The following E2F3 variants were observed in gnomAD, a reference collection of about 807,000 sequenced individuals.
E2F3 encodes the protein transcription factor E2F3.
E2F3 carries 11 observed loss-of-function variants against 44.4 expected under a neutral mutation model. The ratio of observed to expected loss-of-function variants is 0.25; its 90% CI spans 0.16 to 0.41. E2F3 has a LOEUF of 0.41. E2F3 is among the 10% of genes least tolerant of loss of function. The pLI, the probability that E2F3 is intolerant of heterozygous loss-of-function variation, is 1.00. For missense variants in E2F3, 487 were observed against 583.6 expected (o/e 0.83, Z 1.70); for synonymous variants, 249 against 253.0 (o/e 0.98, Z 0.15).
intron 1 of E2F3, among the ~76,000 whole-genome samples, chr6:20,417,076 C>G (rs1265423437): frequency 6.6e-6 from 1 of 152,166 alleles, no homozygotes; most frequent in Non-Finnish European, 1.5e-5. Context: ...TCTTTTAATT[C>G]CTTCAGTTTT....
intron 1 of E2F3, among the ~76,000 whole-genome samples, chr6:20,457,009 CAGG>C (rs935532985): frequency 3.3e-5 from 5 of 152,084 alleles, no homozygotes; most frequent in Non-Finnish European, 7.4e-5. Flanking sequence ...TTCGAACCAG[CAGG>C]AGGAGAGTCA....
intron 1 of E2F3, chr6:20,403,914 C>T (rs1290176726): frequency 3.4e-6 from 3 of 870,734 alleles, no homozygotes; most frequent in Non-Finnish European, 5.0e-6. Context: ...TGAGGGTAGG[C>T]GGTTGAGCGG....
At chr6:20,450,467 G>A (rs1761092793) in intron 1 of E2F3, among the ~76,000 whole-genome samples, 1 of 151,966 alleles carries the variant, frequency 6.6e-6, no homozygotes, top group Non-Finnish European at 1.5e-5. Flanking sequence ...CGTTTTAATG[G>A]GGCTGTTTGT....
At chr6:20,417,991 G>A (rs1759903874) in intron 1 of E2F3, among the ~76,000 whole-genome samples, 2 of 152,188 alleles carry the variant, frequency 1.3e-5, no homozygotes, top group South Asian at 4.1e-4. Context: ...GAGGCTGGGG[G>A]AGGAAGGCAA....
At chr6:20,470,096 T>C (rs983695761) in intron 1 of E2F3, among the ~76,000 whole-genome samples, 8 of 152,198 alleles carry the variant, frequency 5.3e-5, no homozygotes, top group African/African-American at 9.7e-5. Flanking sequence ...CTGTTCTTAT[T>C]TGGACAGCCC....
chr6:20,472,204 T>C (rs1028247057), intron 1 of E2F3, among the ~76,000 whole-genome samples: 2 of 152,120 alleles, frequency 1.3e-5, no homozygotes, highest in Non-Finnish European at 2.9e-5. Flanking sequence ...TATGCAAGGC[T>C]CTGGGGAAAC....
chr6:20,455,005 G>A (rs1761262645), intron 1 of E2F3, among the ~76,000 whole-genome samples: 2 of 152,134 alleles, frequency 1.3e-5, no homozygotes, highest in South Asian at 2.1e-4. Flanking sequence ...TTACCCAGCC[G>A]ATGACAATGT....
In E2F3 at chr6:20,402,099, G is replaced by A. The variant is rs1399595619; in HGVS notation, c.-134G>A. The A allele has an allele frequency of 7.2e-7, 1 of 1,385,246 alleles. No individual in the cohort carries two copies. The highest frequency in any genetic ancestry group is 9.4e-7 in the Non-Finnish European group (1 of 1,066,714). The allele number at this position is 1,385,246 out of a possible 1,614,324, so 85.8% of individuals were successfully genotyped here. ...GGTGCGGAAAAATAAAAAGAAAAGA[G>A]AGAGAGGGGGCTCGGAAGCGCCGGG... On this transcript the variant is annotated 5_prime_UTR_variant, in exon 1 of 7. Transcript: ENST00000346618. This position sits in a 1 kb window ranked among gnomAD's most constrained non-coding sequence, Gnocchi z 5.6.
intron 1 of E2F3, among the ~76,000 whole-genome samples, chr6:20,458,699 T>C (rs1382544643): frequency 6.6e-6 from 1 of 152,214 alleles, no homozygotes; most frequent in Non-Finnish European, 1.5e-5. Flanking sequence ...AAAACTCTGG[T>C]GTGACAAAGG....
chr6:20,409,435 T>C (rs2127584726), intron 1 of E2F3, among the ~76,000 whole-genome samples: 1 of 152,366 alleles, frequency 6.6e-6, no homozygotes, highest in South Asian at 2.1e-4. Context: ...GCTCAAAAAG[T>C]GACACATGCT....
intron 4 of E2F3, among the ~76,000 whole-genome samples, chr6:20,485,029 T>A (rs1384639949): frequency 6.6e-6 from 1 of 152,122 alleles, no homozygotes; most frequent in Non-Finnish European, 1.5e-5. Context: ...CCCTTTTTTT[T>A]ATATTAAACA....
At position 20,490,461 on chromosome 6, in the gene E2F3, C is replaced by T. The variant is rs759892274; in HGVS notation, c.*31C>T. On this transcript the variant is annotated 3_prime_UTR_variant, in exon 7 of 7. Transcript: ENST00000346618. This position sits in a 1 kb window ranked among gnomAD's most constrained non-coding sequence, Gnocchi z 4.3. ...CTTCGTGTGAACTCTCCTTAAAAAC[C>T]GATATTTTTTTATCATGGAACCAGA... The T allele has an allele frequency of 9.2e-6, 14 of 1,517,332 alleles. No individual in the cohort carries two copies. The highest frequency in any genetic ancestry group is 2.3e-5 in the East Asian group (1 of 43,514). 94.0% of individuals were successfully genotyped at this position (1,517,332 alleles called of 1,614,324 possible).
intron 4 of E2F3, among the ~76,000 whole-genome samples, chr6:20,485,453 G>A (rs1393701876): frequency 2.0e-5 from 3 of 152,112 alleles, no homozygotes; most frequent in East Asian, 1.9e-4. Flanking sequence ...GGTGGTGCAC[G>A]CCTGTAGTCC....
At chr6:20,435,025 T>G (rs187118833) in intron 1 of E2F3, among the ~76,000 whole-genome samples, 29 of 152,354 alleles carry the variant, frequency 1.9e-4, no homozygotes, top group Admixed American at 1.6e-3. Context: ...AGCACCCATC[T>G]GTAAATGGGT....
At chr6:20,463,569 A>C (rs979891899) in intron 1 of E2F3, among the ~76,000 whole-genome samples, 2 of 152,110 alleles carry the variant, frequency 1.3e-5, no homozygotes, top group Non-Finnish European at 2.9e-5. Flanking sequence ...TATCTCTGGG[A>C]AAAAGTCCCT....
intron 4 of E2F3, 49 bp from the exon 5 acceptor site, chr6:20,486,640 A>C (rs779957845): frequency 2.0e-6 from 2 of 1,008,666 alleles, no homozygotes; most frequent in Admixed American, 2.1e-5. Flanking sequence ...CATTTTCATC[A>C]TACTTATATC....
intron 1 of E2F3, among the ~76,000 whole-genome samples, chr6:20,461,221 C>T (rs747175116): frequency 7.3e-5 from 11 of 151,470 alleles, no homozygotes; most frequent in Non-Finnish European, 1.3e-4. Flanking sequence ...AGGTCGGGCA[C>T]GGTGGCTCAC....
chr6:20,421,716 T>G (rs1221465946), intron 1 of E2F3: 1 of 152,312 alleles, frequency 6.6e-6, no homozygotes. Flanking sequence ...CACCCCTCCT[T>G]AGGCAACCTG....
Position 20,402,602 on chromosome 6 carries a change from AGCGGCGGCG to A in E2F3, c.379_387del (p.Gly127_Gly129del), listed in dbSNP as rs746263274. ...GCCACCAGCGCTGGGACGCGGCGGCAGCGGCGGCGGCGGCGGCCCTCCGGTAATACCCTC... is the reference window on the plus strand; with the variant it reads ...GCCACCAGCGCTGGGACGCGGCGGCAGCGGCGGCCCTCCGGTAATACCCTC... On this transcript the variant is annotated inframe_deletion, in exon 1 of 7. Transcript: ENST00000346618. The surrounding 1 kb of genome is among the most constrained non-coding windows in gnomAD (Gnocchi z 5.6). 23 of 1,333,444 alleles carry A rather than the reference AGCGGCGGCG, an allele frequency of 1.7e-5. No homozygotes were observed. The highest frequency in any genetic ancestry group is 1.9e-5 in the South Asian group (1 of 51,610). 82.6% of individuals were successfully genotyped at this position (1,333,444 alleles called of 1,614,324 possible).
Sources: gnomAD v4.1 joint callset for allele counts (sites outside exome capture counted in the v4.1 genomes callset) on GRCh38, gnomAD v4.1.1 for gene constraint, Gnocchi (gnomAD v3.1) non-coding constraint, MANE v1.5 for transcripts, NCBI Gene and HGNC (gene_info 2026-07-23, HGNC 2026-07-21) for gene names.